COL12A1: variants seen among roughly 807,000 people sequenced by gnomAD.
COL12A1 encodes the protein collagen alpha-1(XII) chain.
Under a neutral mutation model 349.7 loss-of-function variants are expected in COL12A1, and 114 were observed. That is an observed-to-expected ratio of 0.33 (90% CI 0.28 to 0.38). COL12A1 has a LOEUF of 0.38. Among genes scored for constraint, COL12A1 ranks in the 10% least tolerant of loss-of-function variants. The pLI is 1.00. For missense variants in COL12A1, 3,284 were observed against 3,756.9 expected (o/e 0.87, Z 3.29); for synonymous variants, 1,369 against 1,329.0 (o/e 1.03, Z -0.66).
rs548978005 is a variant in COL12A1, at chr6:75,189,735, T to G, written c.475A>C (p.Ile159Leu). 6.2e-7 allele frequency: 1 copy of G among 1,613,320 alleles called. No homozygotes were observed. Among genetic ancestry groups the G allele is most frequent in the Admixed American group, 1.7e-5 (1 of 59,934 alleles). Reference sequence around the variant, plus strand: ...ACAAGAGCAGCAATGAAGTCTAAAATGTACTTGAAATTATTTCTTCCCACA... The same window carrying G: ...ACAAGAGCAGCAATGAAGTCTAAAAGGTACTTGAAATTATTTCTTCCCACA... ...WSVGRNNFKY[I>L]LDFIAALVSA... The change falls in exon 6 of 66, where the codon ATT becomes CTT. Residue 159 changes from isoleucine (I) to leucine (L), a missense_variant. Transcript: ENST00000322507.
chr6:75,090,222 C>T lies in COL12A1; in HGVS notation c.8829G>A (p.Pro2943=), dbSNP rs749283021. ...DYQSSRNQPG[P]PGPPGPPGSA... is the part of the protein sequence containing the mutation. ...TACCAGGAGGTCCCGGTGGACCCGG[C>T]GGGCCTGGCTGGTTGCGACTGGACT... The change falls in exon 63 of 66, where the codon CCG becomes CCA. Residue 2943 remains proline, a synonymous_variant. Coordinates refer to ENST00000322507, the MANE Select transcript of COL12A1 (RefSeq NM_004370.6). This position sits in a 1 kb window ranked among gnomAD's most constrained non-coding sequence, Gnocchi z 4.1. 1 of 1,614,020 alleles carries T rather than the reference C, an allele frequency of 6.2e-7. No homozygotes were observed. Among genetic ancestry groups the T allele is most frequent in the South Asian group, 1.1e-5 (1 of 91,076 alleles).
chr6:75,098,047 T>C (rs1464972274), intron 58 of COL12A1, among the ~76,000 whole-genome samples: 1 of 152,240 alleles, frequency 6.6e-6, no homozygotes, highest in African/African-American at 2.4e-5. Context: ...TCATCAAATT[T>C]TATAAAACAT....
intron 12 of COL12A1, 143 bp downstream of exon 12, chr6:75,177,520 T>G (rs1185275412): frequency 3.2e-6 from 3 of 940,060 alleles, no homozygotes; most frequent in Non-Finnish European, 4.6e-6. Context: ...AATTTTAACT[T>G]AAATCTAAAA....
intron 52 of COL12A1, among the ~76,000 whole-genome samples, chr6:75,108,629 C>T (rs1168181562): frequency 2.0e-5 from 3 of 151,994 alleles, no homozygotes; most frequent in African/African-American, 4.8e-5. Context: ...AACTAGTGTC[C>T]CCAAATGCTT....
Position 75,134,744 on chromosome 6 carries a change from T to TC in COL12A1, c.5505dup (p.Thr1836AspfsTer19). ...CACTTACTGGTCTTGCCTCTTCCCG[T>TC]CATCCGACCTCCTTCACCATCAGGA... On this transcript the variant is annotated frameshift_variant, in exon 32 of 66. Coordinates refer to ENST00000322507, the MANE Select transcript of COL12A1 (RefSeq NM_004370.6). LOFTEE classifies it high-confidence loss of function. 1 of 1,607,318 alleles carries TC rather than the reference T, an allele frequency of 6.2e-7. No individual in the cohort carries two copies.
At chr6:75,198,017 T>C (rs551825949) in intron 2 of COL12A1, among the ~76,000 whole-genome samples, 1 of 152,312 alleles carries the variant, frequency 6.6e-6, no homozygotes, top group East Asian at 1.9e-4. Flanking sequence ...TGATGGGCCT[T>C]ATTATCCCTG....
chr6:75,136,009 C>G (rs191846544), intron 31 of COL12A1, among the ~76,000 whole-genome samples: 71 of 152,188 alleles, frequency 4.7e-4, no homozygotes, highest in African/African-American at 1.5e-3. Flanking sequence ...AATCCAAGTA[C>G]CCCAAAGACT....
intron 2 of COL12A1, among the ~76,000 whole-genome samples, chr6:75,198,685 AC>A (rs1172984449): frequency 3.9e-5 from 6 of 152,158 alleles, no homozygotes; most frequent in Non-Finnish European, 8.8e-5. Context: ...CCAAGAAATT[AC>A]CGGCCACTGC....
chr6:75,142,801 A>C (rs1402780915), intron 26 of COL12A1, among the ~76,000 whole-genome samples: 1 of 152,064 alleles, frequency 6.6e-6, no homozygotes, highest in South Asian at 2.1e-4. Flanking sequence ...CCAAAAGGAC[A>C]CCCCTCTAAC....
Position 75,109,063 on chromosome 6 carries a change from A to G in COL12A1, c.8055T>C (p.Tyr2685=). The G allele has an allele frequency of 6.2e-7, 1 of 1,612,312 alleles. No homozygotes were observed. Among genetic ancestry groups the G allele is most frequent in the Non-Finnish European group, 8.5e-7 (1 of 1,179,302 alleles). The part of the protein sequence containing the change: ...KEAGNITTDG[Y]EILGKLLKGE... ...CTTTAAGGAGTTTTCCAAGAATTTC[A>G]TAACCATCAGTTGTTATATTTCCAG... The change falls in exon 52 of 66, where the codon TAT becomes TAC. Residue 2685 remains tyrosine, a synonymous_variant. Coordinates refer to ENST00000322507, the MANE Select transcript of COL12A1 (RefSeq NM_004370.6).
At chr6:75,185,181 C>G (rs1447945556) in intron 8 of COL12A1, among the ~76,000 whole-genome samples, 2 of 152,172 alleles carry the variant, frequency 1.3e-5, no homozygotes, top group Non-Finnish European at 2.9e-5. Context: ...GGAAGTCAAA[C>G]TATCCCTGTT....
rs747748216 is a variant in COL12A1 at position 75,165,708 on chromosome 6, C to A, written c.2782G>T (p.Ala928Ser). The change falls in exon 14 of 66, where the codon GCT (alanine) becomes TCT (serine). Residue 928 changes from alanine (A) to serine (S), a missense_variant. Around this residue, in one of 2 missense-constraint regions of COL12A1, gnomAD observed 2,601 missense variants for 2,824.8 expected, o/e 0.92. Coordinates refer to ENST00000322507, the MANE Select transcript of COL12A1 (RefSeq NM_004370.6). ...CTGTAACCGCGAACCATTCCTGGAG[C>A]AGATGTCCAATAAGCCCCAATTGAT... ...DTSIGAYWTSAPGMVRGYRVS... is the reference protein window; with the variant it reads ...DTSIGAYWTSSPGMVRGYRVS... The A allele has an allele frequency of 6.2e-7, 1 of 1,613,992 alleles. No homozygotes were observed. The highest frequency in any genetic ancestry group is 8.5e-7 in the Non-Finnish European group (1 of 1,179,914).
chr6:75,143,986 T>C (rs1233646621), intron 25 of COL12A1, among the ~76,000 whole-genome samples: 5 of 152,236 alleles, frequency 3.3e-5, no homozygotes, highest in Non-Finnish European at 5.9e-5. Context: ...TCCTGTAATA[T>C]GAGATGTATT....
At chr6:75,098,804 A>C (rs1768172016) in intron 58 of COL12A1, among the ~76,000 whole-genome samples, 1 of 152,184 alleles carries the variant, frequency 6.6e-6, no homozygotes, top group Non-Finnish European at 1.5e-5. Context: ...GCATCAGTTC[A>C]CCAGGCAGGA....
At chr6:75,200,969 A>T (rs1358297378) in intron 2 of COL12A1, among the ~76,000 whole-genome samples, 1 of 152,040 alleles carries the variant, frequency 6.6e-6, no homozygotes, top group Non-Finnish European at 1.5e-5. Flanking sequence ...GCTGTACCAT[A>T]TGGAAATAAA....
chr6:75,138,094 A>T (rs935136265), intron 30 of COL12A1, among the ~76,000 whole-genome samples: 1 of 152,080 alleles, frequency 6.6e-6, no homozygotes, highest in African/African-American at 2.4e-5. Flanking sequence ...TATTTATGCC[A>T]TCCAGTCTAA....
intron 52 of COL12A1, among the ~76,000 whole-genome samples, 173 bp from the exon 53 acceptor site, chr6:75,106,669 G>A (rs184612626): frequency 1.3e-5 from 2 of 152,058 alleles, no homozygotes; most frequent in Admixed American, 1.3e-4. Context: ...ATATGCCTAC[G>A]AGAAAGAGAT....
intron 31 of COL12A1, among the ~76,000 whole-genome samples, chr6:75,135,795 T>C (rs1220664926): frequency 1.3e-5 from 2 of 152,174 alleles, no homozygotes; most frequent in Admixed American, 6.5e-5. Context: ...AAATTTCATA[T>C]TTGAGGTTAT....
chr6:75,103,222 G>A (rs1768386114), intron 55 of COL12A1, among the ~76,000 whole-genome samples: 2 of 152,146 alleles, frequency 1.3e-5, no homozygotes, highest in South Asian at 4.2e-4. Context: ...CTTTCCTAAT[G>A]GGGTTATTTT....
Sources: allele counts gnomAD v4.1 joint callset (sites outside exome capture counted in the v4.1 genomes callset), GRCh38; gene constraint gnomAD v4.1.1; regional missense constraint gnomAD v4.1.1; non-coding constraint Gnocchi (gnomAD v3.1); transcripts MANE v1.5; gene names NCBI Gene and HGNC (gene_info 2026-07-23, HGNC 2026-07-21).